RAB3IP: variants seen among roughly 807,000 people sequenced by gnomAD.
The protein encoded by RAB3IP is rab-3A-interacting protein.
In RAB3IP, 36 loss-of-function variants were observed where a neutral mutation model predicts 59.1. That is an observed-to-expected ratio of 0.61 (90% CI 0.47 to 0.80). RAB3IP has a LOEUF of 0.80. Among genes scored for constraint, RAB3IP ranks in the 30% least tolerant of loss-of-function variants. RAB3IP has a pLI of 0.00. For synonymous variants in RAB3IP, 207 were observed against 191.2 expected, an observed-to-expected ratio of 1.08 and a Z score of -0.68; for missense variants, 511 against 536.0, an observed-to-expected ratio of 0.95 and a Z score of 0.46.
At chr12:69,813,412 T>C (rs1472349822) in intron 10 of RAB3IP, among the ~76,000 whole-genome samples, 2 of 152,190 alleles carry the variant, frequency 1.3e-5, no homozygotes, top group African/African-American at 4.8e-5. Context: ...TTTATTTTAA[T>C]TGATGGAAAC....
intron 1 of RAB3IP, among the ~76,000 whole-genome samples, chr12:69,750,542 CGT>C (rs1869088687): frequency 1.7e-5 from 2 of 119,426 alleles, no homozygotes. Context: ...CCCTCTACCT[CGT>C]TTTTTTTTTT....
In RAB3IP at chr12:69,796,779, T is replaced by C. The variant is rs181116434; in HGVS notation, c.888+1435T>C. ...TTCTTTGGAATTTAAATAGCAATTT[T>C]AATTGCCTGGTACAACTTGTATTTT... On this transcript the variant is annotated intron_variant, in intron 6 of 10. Transcript: ENST00000247833. The C allele has an allele frequency of 3.7e-4, 163 of 437,800 alleles. 1 individual carries two copies. The highest frequency in any genetic ancestry group is 2.7e-3 in the African/African-American group (133 of 49,292). The allele number at this position is 437,800 out of a possible 1,614,324, so 27.1% of individuals were successfully genotyped here. A position where few individuals can be genotyped will look rare whatever the true frequency, so the allele number is the denominator to read the frequency against.
Position 69,817,661 on chromosome 12 carries a change from C to CACACAT in RAB3IP, c.*2220_*2221insTACACA, listed in dbSNP as rs1881277518. 6.8e-6 allele frequency: 1 copy of CACACAT among 147,734 alleles called. No individual in the cohort carries two copies. The highest frequency in any genetic ancestry group is 6.7e-5 in the Admixed American group (1 of 14,868). The allele number at this position is 147,734 out of a possible 1,614,324, so 9.2% of individuals were successfully genotyped here. A position where few individuals can be genotyped will look rare whatever the true frequency, so the allele number is the denominator to read the frequency against. ...AATAGGGAAACTCCATTTACACACA[C>CACACAT]ACACACACACACACACACACACACA... On this transcript the variant is annotated 3_prime_UTR_variant, in exon 11 of 11. Coordinates refer to ENST00000247833, the MANE Select transcript of RAB3IP (RefSeq NM_022456.5).
intron 7 of RAB3IP, 126 bp downstream of exon 7, chr12:69,800,463 AT>A: frequency 3.3e-6 from 2 of 606,146 alleles, no homozygotes; most frequent in Non-Finnish European, 5.2e-6. Flanking sequence ...ATGTTTTGCT[AT>A]TTTTGCCATT....
At chr12:69,796,439 T>C (rs1877448529) in intron 6 of RAB3IP, 2 of 400,710 alleles carry the variant, frequency 5.0e-6, no homozygotes, top group Non-Finnish European at 4.4e-6. Flanking sequence ...CTAAGAGGAT[T>C]GATCAATAAT....
chr12:69,784,557 G>A (rs1875308084), intron 3 of RAB3IP, among the ~76,000 whole-genome samples, 163 bp from the exon 4 acceptor site: 1 of 151,806 alleles, frequency 6.6e-6, no homozygotes, highest in Admixed American at 6.6e-5. Flanking sequence ...GGACTTGCCT[G>A]ATTGTCTTCC....
chr12:69,750,516 C>G (rs1428758531), intron 1 of RAB3IP, among the ~76,000 whole-genome samples: 1 of 143,316 alleles, frequency 7.0e-6, no homozygotes, highest in Admixed American at 6.9e-5. Flanking sequence ...AGTTAATTCT[C>G]TTAAGTTTAT....
At chr12:69,769,128 G>A (rs905498724) in intron 3 of RAB3IP, among the ~76,000 whole-genome samples, 5 of 152,104 alleles carry the variant, frequency 3.3e-5, no homozygotes, top group Admixed American at 6.5e-5. Context: ...GCCTTCTGCC[G>A]TGATTGTAAG....
chr12:69,742,840 C>T (rs956945171), intron 1 of RAB3IP, among the ~76,000 whole-genome samples: 3 of 152,138 alleles, frequency 2.0e-5, no homozygotes, highest in Admixed American at 6.5e-5. Context: ...TTACATCGTA[C>T]ATAGTCATGG....
Position 69,800,322 on chromosome 12 carries a change from A to T in RAB3IP, c.1002A>T (p.Thr334=), listed in dbSNP as rs1307118324. 4 of 1,577,860 alleles carry T rather than the reference A, an allele frequency of 2.5e-6. No homozygotes were observed. Among genetic ancestry groups the T allele is most frequent in the Non-Finnish European group, 1.7e-6 (2 of 1,160,972 alleles). ...AGGAAGATATCTTTCCATGTTTAAC[A>T]TTCTCAAAAAGTGAGGTAATTTTTT... ...IYQEDIFPCL[T]FSKSELASAV... Residue 334 remains threonine, a synonymous_variant, in exon 7 of 11, where the codon ACA becomes ACT. Coordinates refer to ENST00000247833, the MANE Select transcript of RAB3IP (RefSeq NM_022456.5).
chr12:69,751,828 C>G (rs914847879), intron 1 of RAB3IP, among the ~76,000 whole-genome samples: 1 of 151,954 alleles, frequency 6.6e-6, no homozygotes, highest in African/African-American at 2.4e-5. Context: ...AGTTTATTTG[C>G]TTTATGTTTA....
At position 69,819,419 on chromosome 12, in the gene RAB3IP, G is replaced by C. The variant is rs1239868431; in HGVS notation, c.*3973G>C. 6.6e-6 allele frequency: 1 copy of C among 152,186 alleles called. No homozygotes were observed. The highest frequency in any genetic ancestry group is 2.4e-5 in the African/African-American group (1 of 41,412). 9.4% of individuals were successfully genotyped at this position (152,186 alleles called of 1,614,324 possible). ...TGAGGTGCCCACTGAGCATCAAAGT[G>C]GATATGTTAAGCAGGTATTGGATGT... On this transcript the variant is annotated 3_prime_UTR_variant, in exon 11 of 11. Transcript: ENST00000247833.
At chr12:69,813,107 GTATAGAA>G (rs1880684746) in intron 10 of RAB3IP, 74 bp downstream of exon 10, 2 of 1,007,918 alleles carry the variant, frequency 2.0e-6, no homozygotes, top group Admixed American at 2.1e-5. Context: ...TCAACAAAAA[GTATAGAA>G]TAGTAGTAAT....
chr12:69,756,251 C>T (rs1277883900), intron 2 of RAB3IP, among the ~76,000 whole-genome samples, 154 bp from the exon 3 acceptor site: 1 of 152,120 alleles, frequency 6.6e-6, no homozygotes, highest in East Asian at 1.9e-4. Flanking sequence ...AGCTATTGAG[C>T]ACTTGAAATG....
At chr12:69,805,008 A>G (rs1879021581) in intron 8 of RAB3IP, among the ~76,000 whole-genome samples, 1 of 152,306 alleles carries the variant, frequency 6.6e-6, no homozygotes, top group East Asian at 1.9e-4. Context: ...TGAACTTTAA[A>G]GTAGTTTTTT....
chr12:69,789,980 G>A (rs77107780), intron 4 of RAB3IP, among the ~76,000 whole-genome samples: 1,934 of 152,212 alleles, frequency 0.013, 46 homozygotes, highest in African/African-American at 0.042. Flanking sequence ...ATCATAATCA[G>A]TGGGGGAAAT....
chr12:69,815,358 G>GT lies in RAB3IP; in HGVS notation c.1301-5dup. 6.3e-7 allele frequency: 1 copy of GT among 1,584,930 alleles called. No individual in the cohort carries two copies. The stretch of plus-strand genomic sequence containing the variant: ...ATTTAAATATCTCTCTTTTCTGTTT[G>GT]TATAGTTGATCAGATGTTTTGGGAG... On this transcript the variant is annotated splice_polypyrimidine_tract_variant and splice_region_variant and intron_variant, in intron 10 of 10. Coordinates refer to ENST00000247833, the MANE Select transcript of RAB3IP (RefSeq NM_022456.5).
intron 1 of RAB3IP, among the ~76,000 whole-genome samples, chr12:69,753,645 G>A (rs1271804277): frequency 2.0e-5 from 3 of 152,118 alleles, no homozygotes; most frequent in African/African-American, 7.2e-5. Context: ...CACCAAGCCT[G>A]ACCTGTTTGG....
intron 8 of RAB3IP, among the ~76,000 whole-genome samples, chr12:69,810,336 T>TC (rs1880233655): frequency 6.6e-6 from 1 of 152,166 alleles, no homozygotes; most frequent in Non-Finnish European, 1.5e-5. Flanking sequence ...GTTAGGCTAC[T>TC]CGGGGGTCAG....
Sources: allele counts gnomAD v4.1 joint callset (sites outside exome capture counted in the v4.1 genomes callset), GRCh38; gene constraint gnomAD v4.1.1; transcripts MANE v1.5; gene names NCBI Gene and HGNC (gene_info 2026-07-23, HGNC 2026-07-21).